Variants in MAP2K6 observed in about 807,000 individuals in gnomAD.
MAP2K6 encodes the protein dual specificity mitogen-activated protein kinase kinase 6.
A neutral mutation model predicts 53.7 loss-of-function variants in MAP2K6; 16 were observed. The ratio of observed to expected loss-of-function variants is 0.30; its 90% CI spans 0.20 to 0.45. MAP2K6 has a LOEUF of 0.45. MAP2K6 is among the 20% of genes least tolerant of loss of function. MAP2K6 has a pLI of 1.00. For missense variants in MAP2K6, 204 were observed against 411.9 expected, an observed-to-expected ratio of 0.50 and a Z score of 4.37; for synonymous variants, 132 against 143.1, an observed-to-expected ratio of 0.92 and a Z score of 0.55.
At chr17:69,513,708 A>G (rs564493670) in intron 2 of MAP2K6, among the ~76,000 whole-genome samples, 14 of 152,202 alleles carry the variant, frequency 9.2e-5, no homozygotes, top group Non-Finnish European at 7.3e-5. Flanking sequence ...GAGCCCTGGT[A>G]TATATATAAA....
intron 11 of MAP2K6, among the ~76,000 whole-genome samples, chr17:69,540,477 T>C (rs538352646): frequency 6.6e-6 from 1 of 152,324 alleles, no homozygotes; most frequent in Non-Finnish European, 1.5e-5. Flanking sequence ...TGACCTGATA[T>C]ATCTTTCTAA....
At chr17:69,427,153 C>G (rs528749929) in intron 1 of MAP2K6, among the ~76,000 whole-genome samples, 2 of 152,262 alleles carry the variant, frequency 1.3e-5, no homozygotes, top group South Asian at 2.1e-4. Context: ...TTTTTTATAA[C>G]CTGCTAACAT....
At chr17:69,442,648 C>T (rs1207139495) in intron 1 of MAP2K6, among the ~76,000 whole-genome samples, 2 of 152,164 alleles carry the variant, frequency 1.3e-5, no homozygotes, top group Non-Finnish European at 2.9e-5. Flanking sequence ...AACTAAATTG[C>T]AGTTCAATGG....
chr17:69,500,275 A>G (rs1909100710), intron 1 of MAP2K6, among the ~76,000 whole-genome samples: 3 of 151,906 alleles, frequency 2.0e-5, no homozygotes, highest in Middle Eastern at 3.4e-3. Context: ...CCCCATCTCT[A>G]CTAAAAATAC....
At chr17:69,540,450 A>G (rs549394190) in intron 11 of MAP2K6, among the ~76,000 whole-genome samples, 6 of 152,318 alleles carry the variant, frequency 3.9e-5, no homozygotes, top group Admixed American at 3.3e-4. Flanking sequence ...TATTTCCACT[A>G]TAAGAACTGT....
intron 1 of MAP2K6, among the ~76,000 whole-genome samples, chr17:69,422,124 A>ATTTTTTT (rs35694490): frequency 1.8e-4 from 16 of 87,380 alleles, no homozygotes; most frequent in Admixed American, 3.0e-4. Context: ...AATCATCGTA[A>ATTTTTTT]TTTTTTTTTT....
chr17:69,527,936 T>C (rs1390603440), intron 10 of MAP2K6, among the ~76,000 whole-genome samples: 1 of 151,690 alleles, frequency 6.6e-6, no homozygotes, highest in Admixed American at 6.6e-5. Flanking sequence ...GCCAAAATGG[T>C]GAAAACCTGA....
rs540289045 is a variant in MAP2K6, at chr17:69,464,873, G to A, written c.17-40907G>A. Among the ~76,000 whole-genome samples, 40 of 151,816 alleles carry A rather than the reference G, an allele frequency of 2.6e-4. No individual in the cohort carries two copies. In the East Asian group the frequency reaches 4.1e-3, roughly 16 times the overall value. On this transcript the variant is annotated intron_variant, in intron 1 of 11. Transcript: ENST00000590474. ...TGGGATTACAGGCACGTGCCACCAC[G>A]CCCGGCTAATTTTTGTATTTTTAGT... is the stretch of plus-strand genomic sequence containing the variant.
At position 69,414,709 on chromosome 17, in the gene MAP2K6, G is replaced by T; in HGVS notation, c.-276G>T. The T allele has an allele frequency of 2.5e-6, 1 of 401,930 alleles. No individual in the cohort carries two copies. Among genetic ancestry groups the T allele is most frequent in the Non-Finnish European group, 4.5e-6 (1 of 220,946 alleles). The allele number at this position is 401,930 out of a possible 1,614,324, so 24.9% of individuals were successfully genotyped here. A position where few individuals can be genotyped will look rare whatever the true frequency, so the allele number is the denominator to read the frequency against. On this transcript the variant is annotated 5_prime_UTR_variant, in exon 1 of 12. Transcript: ENST00000590474. ...CACTAAGATACTCAGTTCCAAGTTT[G>T]GAGCTTTTAGCTGCCAGCCCTGGCC...
rs1441363378 is a variant in MAP2K6, at chr17:69,545,204, T to C, written c.*3451T>C. The C allele has an allele frequency of 1.3e-5, 2 of 152,064 alleles. No individual in the cohort carries two copies. Among genetic ancestry groups the C allele is most frequent in the African/African-American group, 4.8e-5 (2 of 41,388 alleles). The allele number at this position is 152,064 out of a possible 1,614,324, so 9.4% of individuals were successfully genotyped here. On this transcript the variant is annotated 3_prime_UTR_variant, in exon 12 of 12. Transcript: ENST00000590474. ...CATGATTATTTTTAACCAGAGTCAT[T>C]CTTCCACCAGAATAAGTGTAATCTC...
At position 69,551,010 on chromosome 17, in the gene MAP2K6, A is replaced by C. The variant is rs1303273462; in HGVS notation, c.*9257A>C. 1.3e-5 allele frequency: 2 copies of C among 152,168 alleles called. No individual in the cohort carries two copies. The allele number at this position is 152,168 out of a possible 1,614,324, so 9.4% of individuals were successfully genotyped here. On this transcript the variant is annotated 3_prime_UTR_variant, in exon 12 of 12. Coordinates refer to ENST00000590474, the MANE Select transcript of MAP2K6 (RefSeq NM_002758.4). The stretch of plus-strand genomic sequence containing the variant: ...TGAGCATAAATCATTTTGAAAGAAA[A>C]ATGCAAGGAATTGTTGTATGACAGC...
rs188479346 is a variant in MAP2K6 at position 69,528,998 on chromosome 17, C to T, written c.881+2289C>T. ...AATTATTCTCCCTATTACCTTTCTC[C>T]CACCTATCCCCTTTTCCCAAGATTC... On this transcript the variant is annotated intron_variant, in intron 10 of 11. Transcript: ENST00000590474. 6.6e-5 allele frequency among the ~76,000 whole-genome samples: 10 copies of T among 152,068 alleles called. No individual in the cohort carries two copies. The East Asian group carries it at 1.9e-3, about 29-fold the overall frequency.
At chr17:69,515,879 G>A (rs1910114154) in intron 2 of MAP2K6, among the ~76,000 whole-genome samples, 1 of 152,222 alleles carries the variant, frequency 6.6e-6, no homozygotes, top group Non-Finnish European at 1.5e-5. Flanking sequence ...TGAGTTAACA[G>A]AATATATGCC....
intron 1 of MAP2K6, among the ~76,000 whole-genome samples, chr17:69,440,962 A>T (rs1161929681): frequency 6.6e-6 from 1 of 152,138 alleles, no homozygotes; most frequent in Non-Finnish European, 1.5e-5. Flanking sequence ...GCATGAATCC[A>T]TAGGGGCACA....
At chr17:69,463,065 A>T (rs185529292) in intron 1 of MAP2K6, among the ~76,000 whole-genome samples, 1 of 150,236 alleles carries the variant, frequency 6.7e-6, no homozygotes, top group African/African-American at 2.4e-5. Flanking sequence ...GATGTATTTG[A>T]CACTGCTGCC....
chr17:69,423,163 G>C (rs551248257), intron 1 of MAP2K6, among the ~76,000 whole-genome samples: 1 of 152,134 alleles, frequency 6.6e-6, no homozygotes, highest in Non-Finnish European at 1.5e-5. Context: ...GATTACAGGC[G>C]TGAGCCATCG....
intron 1 of MAP2K6, chr17:69,477,235 G>A (rs1196735436): frequency 6.6e-6 from 1 of 152,276 alleles, no homozygotes; most frequent in East Asian, 1.9e-4. Context: ...CAGCGGCCAT[G>A]CTAGGTACAA....
At chr17:69,502,312 G>A (rs1909210032) in intron 1 of MAP2K6, 1 of 985,340 alleles carries the variant, frequency 1.0e-6, no homozygotes, top group South Asian at 4.7e-5. Flanking sequence ...AGTGAAGAAT[G>A]ACTTCTGTTA....
At chr17:69,527,127 G>T (rs1038579221) in intron 10 of MAP2K6, among the ~76,000 whole-genome samples, 1 of 152,168 alleles carries the variant, frequency 6.6e-6, no homozygotes, top group South Asian at 2.1e-4. Context: ...ACGAAAGCAA[G>T]AAACTCCTTT....
Sources: allele counts gnomAD v4.1 joint callset (sites outside exome capture counted in the v4.1 genomes callset), GRCh38; gene constraint gnomAD v4.1.1; transcripts MANE v1.5; gene names NCBI Gene and HGNC (gene_info 2026-07-23, HGNC 2026-07-21).